DLG2: variants seen among roughly 807,000 people sequenced by gnomAD.
DLG2 encodes the protein discs large MAGUK scaffold protein 2, also known as disks large homolog 2.
A neutral mutation model predicts 132.5 loss-of-function variants in DLG2; 45 were observed. The ratio of observed to expected loss-of-function variants is 0.34; its 90% confidence interval spans 0.27 to 0.44. DLG2 has a LOEUF of 0.44. Ranked by LOEUF, DLG2 falls within the 20% of genes least tolerant of loss-of-function variation. The probability of loss-of-function intolerance (pLI) is 1.00; values close to 1 mark genes in which losing one functional copy is unlikely to be tolerated. For missense variants in DLG2, 1,045 were observed against 1,196.9 expected (o/e 0.87, Z 1.87); for synonymous variants, 424 against 419.6 (o/e 1.01, Z -0.13).
At chr11:84,072,349 T>A (rs2096770245) in intron 10 of DLG2, among the ~76,000 whole-genome samples, 2 of 152,228 alleles carry the variant, frequency 1.3e-5, no homozygotes, top group African/African-American at 2.4e-5. Flanking sequence ...AGACCCGGGT[T>A]GTCTGTTAAG....
intron 15 of DLG2, among the ~76,000 whole-genome samples, chr11:83,880,993 C>A (rs1434255142): frequency 6.6e-6 from 1 of 152,014 alleles, no homozygotes; most frequent in African/African-American, 2.4e-5. Flanking sequence ...TTACATTTTT[C>A]TTCTGATATC....
intron 6 of DLG2, among the ~76,000 whole-genome samples, chr11:84,895,129 T>A (rs1057271704): frequency 2.6e-5 from 4 of 152,208 alleles, no homozygotes. Flanking sequence ...TTTACTCAAC[T>A]TATTTACATG....
At chr11:85,007,123 GT>G (rs1566631705) in intron 6 of DLG2, among the ~76,000 whole-genome samples, 1 of 152,110 alleles carries the variant, frequency 6.6e-6, no homozygotes. Flanking sequence ...TGCAAATATA[GT>G]TTTTAGGGCC....
intron 17 of DLG2, among the ~76,000 whole-genome samples, chr11:83,810,628 T>C (rs2153963083): frequency 6.6e-6 from 1 of 152,208 alleles, no homozygotes; most frequent in South Asian, 2.1e-4. Flanking sequence ...TTCGGAGTTA[T>C]GATTCTGTGA....
chr11:84,185,435 T>C (rs1451688242), intron 8 of DLG2, among the ~76,000 whole-genome samples: 3 of 152,204 alleles, frequency 2.0e-5, no homozygotes, highest in Non-Finnish European at 4.4e-5. Flanking sequence ...TCCTGAGACT[T>C]TGCTGAAGTT....
In DLG2 at chr11:84,951,444, T is replaced by G. The variant is rs143231090; in HGVS notation, c.357+160217A>C. Among the ~76,000 whole-genome samples, 311 of 152,254 alleles carry G rather than the reference T, an allele frequency of 2.0e-3. 2 individuals are homozygous for G. The highest frequency in any genetic ancestry group is 7.1e-3 in the African/African-American group (293 of 41,546). ...ATGGCAAACACTTGGTATATGTTTG[T>G]AATTAGGGTAGGACCTAATTATTAA... On this transcript the variant is annotated intron_variant, in intron 6 of 27. Coordinates refer to ENST00000376104, the MANE Select transcript of DLG2 (RefSeq NM_001142699.3).
At chr11:83,568,421 A>T (rs2096744426) in intron 19 of DLG2, among the ~76,000 whole-genome samples, 2 of 152,132 alleles carry the variant, frequency 1.3e-5, no homozygotes, top group African/African-American at 4.8e-5. Flanking sequence ...GAAGTCCAGT[A>T]ACAGTGGGAT....
chr11:84,874,987 C>A (rs1227952290), intron 6 of DLG2, among the ~76,000 whole-genome samples: 2 of 149,444 alleles, frequency 1.3e-5, no homozygotes, highest in Non-Finnish European at 3.0e-5. Context: ...ACCACTGTAC[C>A]CCAGCCTGGG....
At chr11:84,686,154 G>T (rs2099737966) in intron 6 of DLG2, among the ~76,000 whole-genome samples, 1 of 152,166 alleles carries the variant, frequency 6.6e-6, no homozygotes, top group South Asian at 2.1e-4. Flanking sequence ...CATATGGATA[G>T]GCACTCAGTC....
At chr11:84,223,184 G>C (rs1014448860) in intron 8 of DLG2, among the ~76,000 whole-genome samples, 2 of 152,152 alleles carry the variant, frequency 1.3e-5, no homozygotes, top group Non-Finnish European at 2.9e-5. Flanking sequence ...TCCTTGTGTA[G>C]GGCTCTCTAA....
Position 85,260,087 on chromosome 11 carries a change from C to A in DLG2, c.186+25133G>T, listed in dbSNP as rs80048457. 2.2e-4 allele frequency among the ~76,000 whole-genome samples: 34 copies of A among 152,214 alleles called. No homozygotes were observed. The South Asian group carries it at 6.8e-3, about 31-fold the overall frequency. On this transcript the variant is annotated intron_variant, in intron 4 of 27. Transcript: ENST00000376104. ...TTGGTTTGAGTCCTGGCTCTACCAT[C>A]AACAATGTGACTTTTGTTAAGTTAT...
chr11:83,551,824 A>C (rs2096397747), intron 19 of DLG2, among the ~76,000 whole-genome samples: 1 of 152,204 alleles, frequency 6.6e-6, no homozygotes, highest in South Asian at 2.1e-4. Context: ...ATATTCATTT[A>C]AATATTAAAT....
intron 18 of DLG2, among the ~76,000 whole-genome samples, chr11:83,669,239 C>T (rs1040952070): frequency 6.6e-6 from 1 of 152,128 alleles, no homozygotes; most frequent in African/African-American, 2.4e-5. Context: ...ATTACTCATT[C>T]CTATTAATTT....
At chr11:85,157,436 T>C (rs2077668916) in intron 4 of DLG2, among the ~76,000 whole-genome samples, 1 of 152,092 alleles carries the variant, frequency 6.6e-6, no homozygotes, top group Non-Finnish European at 1.5e-5. Context: ...GCATGAACTG[T>C]TTAGAGAGTT....
intron 7 of DLG2, among the ~76,000 whole-genome samples, chr11:84,420,889 C>G (rs1360965102): frequency 7.3e-5 from 11 of 151,504 alleles, no homozygotes; most frequent in Admixed American, 7.2e-4. Context: ...AGGATGGTCT[C>G]GATCTCCTGA....
chr11:84,129,409 CTATA>C (rs2094319674), intron 9 of DLG2, among the ~76,000 whole-genome samples: 1 of 152,038 alleles, frequency 6.6e-6, no homozygotes, highest in Non-Finnish European at 1.5e-5. Flanking sequence ...GTCTCATTAT[CTATA>C]TAAACTGTCC....
intron 6 of DLG2, among the ~76,000 whole-genome samples, chr11:84,908,530 AT>A (rs1471000644): frequency 3.3e-5 from 5 of 152,046 alleles, no homozygotes; most frequent in African/African-American, 1.2e-4. Context: ...CTTGAAATTT[AT>A]TGTTATGGCT....
At chr11:84,042,756 A>G (rs771235954) in intron 11 of DLG2, among the ~76,000 whole-genome samples, 12 of 151,984 alleles carry the variant, frequency 7.9e-5, no homozygotes, top group Non-Finnish European at 7.4e-5. Flanking sequence ...AATTGGAGCC[A>G]TTATCCTCAG....
chr11:83,585,846 CA>C (rs150442407), intron 19 of DLG2, among the ~76,000 whole-genome samples: 2,556 of 152,182 alleles, frequency 0.017, 72 homozygotes, highest in African/African-American at 0.058. Context: ...TACACGAGAA[CA>C]AGGTATATCA....
Sources: gnomAD v4.1 joint callset for allele counts (sites outside exome capture counted in the v4.1 genomes callset) on GRCh38, gnomAD v4.1.1 for gene constraint, MANE v1.5 for transcripts, NCBI Gene and HGNC (gene_info 2026-07-23, HGNC 2026-07-21) for gene names.